Variants in KIF2C observed in about 807,000 individuals in gnomAD.
KIF2C encodes the protein kinesin family member 2C, also known as kinesin-like protein KIF2C.
In KIF2C, 34 loss-of-function variants were observed where a neutral mutation model predicts 97.4. That is an observed-to-expected ratio of 0.35 (90% confidence interval 0.27 to 0.46). KIF2C has a LOEUF of 0.46. KIF2C is among the 20% of genes least tolerant of loss of function. The pLI is 1.00. For missense variants in KIF2C, 750 were observed against 907.6 expected (o/e 0.83, Z 2.23); for synonymous variants, 313 against 318.2 (o/e 0.98, Z 0.17).
At chr1:44,759,371 G>C in intron 14 of KIF2C, 23 bp downstream of exon 14, 3 of 1,613,414 alleles carry the variant, frequency 1.9e-6, no homozygotes, top group Non-Finnish European at 2.5e-6. Flanking sequence ...GTGAGGGGAA[G>C]GAGCGACCTT....
intron 1 of KIF2C, 61 bp downstream of exon 1, chr1:44,740,063 G>A (rs774748909): frequency 2.5e-6 from 4 of 1,583,656 alleles, no homozygotes; most frequent in South Asian, 2.2e-5. Flanking sequence ...TGAAATTACT[G>A]CCCGTCCCCG....
Position 44,757,942 on chromosome 1 carries a change from A to G in KIF2C, c.1103A>G (p.Asn368Ser). 6.2e-7 allele frequency: 1 copy of G among 1,614,224 alleles called. No homozygotes were observed. ...GGAGACCTCTCTGGGAAAGCCCAGA[A>G]TGCATCCAAAGGGATCTATGCCATG... is the stretch of plus-strand genomic sequence containing the variant. The part of the protein sequence containing the change: ...MGGDLSGKAQ[N>S]ASKGIYAMAS... Residue 368 changes from asparagine (N) to serine (S), a missense_variant, in exon 12 of 21, where the codon AAT (asparagine) becomes AGT (serine). By Grantham distance (46) the Asn-to-Ser change is conservative (BLOSUM62 1). Coordinates refer to ENST00000372224, the MANE Select transcript of KIF2C (RefSeq NM_006845.4).
intron 7 of KIF2C, among the ~76,000 whole-genome samples, chr1:44,754,280 A>C (rs6689911): frequency 0.26 from 39,469 of 151,850 alleles, 6,468 homozygotes; most frequent in African/African-American, 0.46. Flanking sequence ...TTCAGAGAAC[A>C]AATAATTCAG....
intron 20 of KIF2C, 59 bp from the exon 21 acceptor site, chr1:44,767,038 T>C: frequency 1.2e-6 from 2 of 1,608,252 alleles, no homozygotes; most frequent in Non-Finnish European, 1.7e-6. Flanking sequence ...CTGCCCTGAG[T>C]GAATGGGGGC....
rs377073006 is a variant in KIF2C at position 44,764,891 on chromosome 1, G to A, written c.1972-1935G>A. On this transcript the variant is annotated intron_variant, in intron 19 of 20. Coordinates refer to ENST00000372224, the MANE Select transcript of KIF2C (RefSeq NM_006845.4). ...TCCTGTCACTTTGGGAGGCTGAGGC[G>A]GCCACATCAACTAAGGTCGGGAGTT... Among the ~76,000 whole-genome samples, 122 of 152,076 alleles carry A rather than the reference G, an allele frequency of 8.0e-4. 3 individuals are homozygous for A. The South Asian group carries it at 0.024, about 30-fold the overall frequency.
chr1:44,762,778 C>T (rs761054127), intron 19 of KIF2C, 120 bp downstream of exon 19: 14 of 652,326 alleles, frequency 2.1e-5, no homozygotes, highest in Non-Finnish European at 3.6e-5. Flanking sequence ...AAGAAGCAGC[C>T]CTCTACACCA....
In KIF2C at chr1:44,750,507, G is replaced by T; in HGVS notation, c.382G>T (p.Asp128Tyr). The T allele has an allele frequency of 6.3e-7, 1 of 1,590,258 alleles. No homozygotes were observed. Among genetic ancestry groups the T allele is most frequent in the East Asian group, 2.3e-5 (1 of 43,580 alleles). ...GCTTCGCATCACGGCTCAGGAGAAT[G>T]ACATGGAGGTGGAGCTGCCTGCAGC... ...SELRITAQEN[D>Y]MEVELPAAAN... Residue 128 changes from aspartate (D) to tyrosine (Y), a missense_variant, in exon 5 of 21, where the codon GAC becomes TAC. By Grantham distance (160) the Asp-to-Tyr change is radical. Coordinates refer to ENST00000372224, the MANE Select transcript of KIF2C (RefSeq NM_006845.4).
intron 13 of KIF2C, 57 bp downstream of exon 13, chr1:44,758,197 T>C: frequency 3.3e-6 from 5 of 1,518,044 alleles, no homozygotes; most frequent in Non-Finnish European, 4.6e-6. Flanking sequence ...TTTTAAAACC[T>C]TGAAGCTGGC....
Position 44,760,363 on chromosome 1 carries a change from T to C in KIF2C, c.1451T>C (p.Met484Thr), listed in dbSNP as rs777567178. 2 of 1,614,098 alleles carry C rather than the reference T, an allele frequency of 1.2e-6. No homozygotes were observed. The highest frequency in any genetic ancestry group is 1.7e-5 in the Admixed American group (1 of 60,000). Residue 484 changes from methionine to threonine, a missense_variant, in exon 15 of 21, where the codon ATG (methionine) becomes ACG (threonine). Transcript: ENST00000372224. The surrounding 1 kb of genome is among the most constrained non-coding windows in gnomAD (Gnocchi z 4.2). ...FQIILRAKGR[M>T]HGKFSLVDLA... ...ATTATTCTTCGAGCTAAAGGGAGAA[T>C]GCATGGCAAGTTCTCTTTGGTAGAT...
rs1298865367 is a variant in KIF2C at position 44,760,758 on chromosome 1, C to T, written c.1683+56C>T. 1 of 1,402,268 alleles carries T rather than the reference C, an allele frequency of 7.1e-7. No individual in the cohort carries two copies. Among genetic ancestry groups the T allele is most frequent in the Non-Finnish European group, 1.0e-6 (1 of 992,526 alleles). The allele number at this position is 1,402,268 out of a possible 1,614,324, so 86.9% of individuals were successfully genotyped here. On this transcript the variant is annotated intron_variant, in intron 16 of 20. Coordinates refer to ENST00000372224, the MANE Select transcript of KIF2C (RefSeq NM_006845.4). The surrounding 1 kb of genome is among the most constrained non-coding windows in gnomAD (Gnocchi z 4.2). Reference sequence around the variant, plus strand: ...CAGGAGGAGACAGAGTTGCTTTCCACAGAGACACTTAGTCCTGTCCCTGGG... The same window carrying T: ...CAGGAGGAGACAGAGTTGCTTTCCATAGAGACACTTAGTCCTGTCCCTGGG...
At chr1:44,754,652 A>T (rs917197791) in intron 7 of KIF2C, 98 bp from the exon 8 acceptor site, 2 of 793,528 alleles carry the variant, frequency 2.5e-6, no homozygotes, top group Admixed American at 3.6e-5. Flanking sequence ...GACAACTATG[A>T]AGGGTGGTGA....
chr1:44,742,543 C>T lies in KIF2C; in HGVS notation c.165+1536C>T, dbSNP rs557605840. Among the ~76,000 whole-genome samples the T allele has an allele frequency of 1.1e-3, 164 of 151,554 alleles. 1 individual carries two copies. Among genetic ancestry groups the T allele is most frequent in the African/African-American group, 3.8e-3 (157 of 41,426 alleles). ...GACCAGCCTGGCCAACATAGCGAAACCCCCATCTCTACTAAAAATACAAAA... is the reference window on the plus strand; with the variant it reads ...GACCAGCCTGGCCAACATAGCGAAATCCCCATCTCTACTAAAAATACAAAA... On this transcript the variant is annotated intron_variant, in intron 2 of 20. Transcript: ENST00000372224.
Position 44,756,098 on chromosome 1 carries a change from G to T in KIF2C, c.838G>T (p.Val280Leu), listed in dbSNP as rs1346747936. 7 of 1,614,128 alleles carry T rather than the reference G, an allele frequency of 4.3e-6. No individual in the cohort carries two copies. In the South Asian group the frequency reaches 7.7e-5, roughly 18 times the overall value. Residue 280 changes from valine to leucine, a missense_variant, in exon 10 of 21, where the codon GTG becomes TTG. Coordinates refer to ENST00000372224, the MANE Select transcript of KIF2C (RefSeq NM_006845.4). Reference protein sequence around the residue: ...KQELAKKEIDVISIPSKCLLL... With the variant: ...KQELAKKEIDLISIPSKCLLL... ...AGAATTGGCCAAGAAAGAAATTGAT[G>T]TGATTTCCATTCCTAGCAAGTGTCT...
chr1:44,761,607 CAAAAAAA>C (rs879757305), intron 16 of KIF2C, among the ~76,000 whole-genome samples: 59 of 116,796 alleles, frequency 5.1e-4, no homozygotes, highest in African/African-American at 1.9e-3. Context: ...GACTCCGTCT[CAAAAAAA>C]AAAAAGAAAA....
Position 44,740,300 on chromosome 1 carries a change from C to T in KIF2C, c.70+298C>T, listed in dbSNP as rs114273117. Among the ~76,000 whole-genome samples, 897 of 152,296 alleles carry T rather than the reference C, an allele frequency of 5.9e-3. 9 individuals are homozygous for T. The highest frequency in any genetic ancestry group is 0.021 in the African/African-American group (859 of 41,560). ...AATTCACTTCCCTTCCAAAATTCTC[C>T]CCTGAAAATGCCCTGCTCTTATGGG... On this transcript the variant is annotated intron_variant, in intron 1 of 20. Coordinates refer to ENST00000372224, the MANE Select transcript of KIF2C (RefSeq NM_006845.4).
chr1:44,740,240 G>C (rs1421214817), intron 1 of KIF2C, among the ~76,000 whole-genome samples: 2 of 152,150 alleles, frequency 1.3e-5, no homozygotes, highest in Non-Finnish European at 2.9e-5. Context: ...CCTTCTCCAA[G>C]GCTGGTAGAC....
chr1:44,762,563 G>A lies in KIF2C; in HGVS notation c.1876G>A (p.Glu626Lys), dbSNP rs1804673. ...IPGNLSKEEE[E>K]LSSQMSSFNE... ...CTCTCAGTTATCCAAGGAAGAGGAG[G>A]AACTGTCTTCCCAGATGTCCAGCTT... Residue 626 changes from glutamate to lysine, a missense_variant, in exon 19 of 21, where the codon GAA (glutamate) becomes AAA (lysine). Glu to Lys is a moderately conservative substitution (Grantham distance 56, BLOSUM62 1). Coordinates refer to ENST00000372224, the MANE Select transcript of KIF2C (RefSeq NM_006845.4). The A allele has an allele frequency of 6.2e-7, 1 of 1,613,904 alleles. No homozygotes were observed. The highest frequency in any genetic ancestry group is 1.3e-5 in the African/African-American group (1 of 75,040).
In KIF2C at chr1:44,740,866, GCT is replaced by G. The variant is rs1278756834; in HGVS notation, c.71-43_71-42del. 3 of 1,306,744 alleles carry G rather than the reference GCT, an allele frequency of 2.3e-6. No individual in the cohort carries two copies. In the Admixed American group the frequency reaches 5.6e-5, roughly 25 times the overall value. 80.9% of individuals were successfully genotyped at this position (1,306,744 alleles called of 1,614,324 possible). A position where few individuals can be genotyped will look rare whatever the true frequency, so the allele number is the denominator to read the frequency against. On this transcript the variant is annotated intron_variant, in intron 1 of 20. Coordinates refer to ENST00000372224, the MANE Select transcript of KIF2C (RefSeq NM_006845.4). Reference sequence around the variant, plus strand: ...ATCTCTGTGGAATCCTAAAAGTGAAGCTCTCAGGAAAGAGATGGGTAACTCTG... The same window carrying G: ...ATCTCTGTGGAATCCTAAAAGTGAAGCTCAGGAAAGAGATGGGTAACTCTG...
chr1:44,754,683 C>T (rs1649718603), intron 7 of KIF2C, 67 bp from the exon 8 acceptor site: 1 of 907,804 alleles, frequency 1.1e-6, no homozygotes, highest in Non-Finnish European at 1.9e-6. Context: ...GTTGCTGCTG[C>T]CGCATAGGGG....
Sources: allele counts gnomAD v4.1 joint callset (sites outside exome capture counted in the v4.1 genomes callset), GRCh38; gene constraint gnomAD v4.1.1; non-coding constraint Gnocchi (gnomAD v3.1); transcripts MANE v1.5; gene names NCBI Gene and HGNC (gene_info 2026-07-23, HGNC 2026-07-21).